The following PLD5 variants were observed in gnomAD, a reference collection of about 807,000 sequenced individuals.
PLD5 encodes inactive phospholipase D5.
In PLD5, 36 loss-of-function variants were observed where a neutral mutation model predicts 61.1. That is an observed-to-expected ratio of 0.59 (90% CI 0.45 to 0.78). The LOEUF is 0.78. Among genes scored for constraint, PLD5 ranks in the 30% least tolerant of loss-of-function variants. The pLI is 0.00. For synonymous variants in PLD5, 243 were observed against 242.8 expected, an observed-to-expected ratio of 1.00 and a Z score of -0.01; for missense variants, 515 against 644.4, an observed-to-expected ratio of 0.80 and a Z score of 2.17.
chr1:242,365,252 C>T (rs1385070091), intron 1 of PLD5: 2 of 152,388 alleles, frequency 1.3e-5, no homozygotes, highest in African/African-American at 2.4e-5. Flanking sequence ...TGCATGGGGA[C>T]GAGTGCAAGT....
intron 4 of PLD5, among the ~76,000 whole-genome samples, chr1:242,231,131 A>G (rs1451273340): frequency 6.6e-6 from 1 of 152,228 alleles, no homozygotes; most frequent in Non-Finnish European, 1.5e-5. Flanking sequence ...CAGCAAGAAC[A>G]CTGTCTACAG....
intron 2 of PLD5, among the ~76,000 whole-genome samples, chr1:242,332,049 CT>C (rs1659212978): frequency 6.6e-6 from 1 of 152,108 alleles, no homozygotes; most frequent in South Asian, 2.1e-4. Context: ...CTCCCACCCC[CT>C]GACAGACCCC....
intron 1 of PLD5, among the ~76,000 whole-genome samples, chr1:242,469,021 T>G (rs567256325): frequency 2.2e-4 from 33 of 152,162 alleles, no homozygotes; most frequent in Non-Finnish European, 4.3e-4. Flanking sequence ...GGTTCCAAAG[T>G]CCACAGTCGT....
chr1:242,319,786 G>A (rs903169770), intron 2 of PLD5, among the ~76,000 whole-genome samples: 8 of 152,212 alleles, frequency 5.3e-5, no homozygotes, highest in Non-Finnish European at 1.2e-4. Context: ...TTTAGGTTAT[G>A]TAATAATGCA....
At chr1:242,477,492 T>C (rs1447378154) in intron 1 of PLD5, among the ~76,000 whole-genome samples, 1 of 152,132 alleles carries the variant, frequency 6.6e-6, no homozygotes, top group African/African-American at 2.4e-5. Context: ...CCCGATAACT[T>C]TGGGGAAGCA....
At chr1:242,382,460 A>G (rs1662353757) in intron 1 of PLD5, among the ~76,000 whole-genome samples, 1 of 152,152 alleles carries the variant, frequency 6.6e-6, no homozygotes, top group Non-Finnish European at 1.5e-5. Context: ...TGGGAATGTA[A>G]TTAGGTGACA....
At chr1:242,109,289 C>A (rs1053302348) in intron 7 of PLD5, among the ~76,000 whole-genome samples, 3 of 152,196 alleles carry the variant, frequency 2.0e-5, no homozygotes, top group Non-Finnish European at 4.4e-5. Flanking sequence ...ACCAGCCTGG[C>A]CAACATGGTG....
At chr1:242,511,593 A>AC (rs138152907) in intron 1 of PLD5, among the ~76,000 whole-genome samples, 2,871 of 152,032 alleles carry the variant, frequency 0.019, 31 homozygotes, top group Non-Finnish European at 0.027. Context: ...ATGATGAAAA[A>AC]AAAAAATCAG....
At chr1:242,327,386 T>G (rs545616451) in intron 2 of PLD5, among the ~76,000 whole-genome samples, 1 of 152,182 alleles carries the variant, frequency 6.6e-6, no homozygotes, top group African/African-American at 2.4e-5. Context: ...AATGAGTAAA[T>G]AGAATAATAT....
intron 1 of PLD5, among the ~76,000 whole-genome samples, chr1:242,411,384 C>G (rs565168192): frequency 1.3e-5 from 2 of 152,068 alleles, no homozygotes; most frequent in Non-Finnish European, 2.9e-5. Context: ...TACAGGCGCC[C>G]GCCACCACGC....
chr1:242,357,306 GACTTCTTTGTAGGTAATAT>G lies in PLD5; in HGVS notation c.190-9083_190-9065del, dbSNP rs1241467163. ...AGAAGTCTACCGATGATTGTATTGA[GACTTCTTTGTAGGTAATAT>G]ATTGCTTGTCTCTTGCTGCTCTCAG... On this transcript the variant is annotated intron_variant, in intron 1 of 9. Transcript: ENST00000536534. 2.7e-5 allele frequency among the ~76,000 whole-genome samples: 4 copies of G among 150,134 alleles called. No homozygotes were observed. In the East Asian group the frequency reaches 7.9e-4, roughly 30 times the overall value.
In PLD5 at chr1:242,220,707, A is replaced by ATATTTTATTTTATTTTATTT. The variant is rs71570944; in HGVS notation, c.608-612_608-593dup. Among the ~76,000 whole-genome samples, 923 of 108,316 alleles carry ATATTTTATTTTATTTTATTT rather than the reference A, an allele frequency of 8.5e-3. 13 individuals carry two copies. Among genetic ancestry groups the ATATTTTATTTTATTTTATTT allele is most frequent in the Middle Eastern group, 0.014 (3 of 210 alleles). 71.1% of individuals were successfully genotyped at this position (108,316 alleles called of 152,430 possible). ...TATCTGATAGTATTTTTTTTAATTT[A>ATATTTTATTTTATTTTATTT]TATTTTATTTTATTTTATTTTATTT... is the stretch of plus-strand genomic sequence containing the variant. On this transcript the variant is annotated intron_variant, in intron 4 of 9. Coordinates refer to ENST00000536534, the MANE Select transcript of PLD5 (RefSeq NM_001372062.1).
At chr1:242,487,139 C>T (rs1667992013) in intron 1 of PLD5, among the ~76,000 whole-genome samples, 1 of 151,694 alleles carries the variant, frequency 6.6e-6, no homozygotes, top group Admixed American at 6.6e-5. Context: ...TGCAGCACAC[C>T]AACATGGCAC....
At chr1:242,450,110 G>A (rs187236042) in intron 1 of PLD5, among the ~76,000 whole-genome samples, 2 of 152,248 alleles carry the variant, frequency 1.3e-5, no homozygotes, top group Admixed American at 1.3e-4. Context: ...TGAAACCACG[G>A]GGCTCTTTGC....
chr1:242,398,838 T>C (rs1033476437), intron 1 of PLD5, among the ~76,000 whole-genome samples: 8 of 152,242 alleles, frequency 5.3e-5, no homozygotes, highest in Non-Finnish European at 7.3e-5. Flanking sequence ...TTTGTAGACA[T>C]GGCATGTCAC....
At chr1:242,445,777 T>C (rs1268175192) in intron 1 of PLD5, among the ~76,000 whole-genome samples, 4 of 151,244 alleles carry the variant, frequency 2.6e-5, no homozygotes, top group Non-Finnish European at 4.4e-5. Context: ...TTTTTTTTTT[T>C]CAAGCTGCTT....
At position 242,298,219 on chromosome 1, in the gene PLD5, C is replaced by T. The variant is rs192501098; in HGVS notation, c.327-9689G>A. On this transcript the variant is annotated intron_variant, in intron 2 of 9. Transcript: ENST00000536534. ...TTTCTATAATTCTAGATGATTCAGG[C>T]AGATGAACGCCTCATTATTTCCAGG... Among the ~76,000 whole-genome samples, 250 of 152,252 alleles carry T rather than the reference C, an allele frequency of 1.6e-3. 2 individuals carry two copies. Among genetic ancestry groups the T allele is most frequent in the African/African-American group, 5.8e-3 (240 of 41,538 alleles).
At chr1:242,264,723 G>T (rs4658799) in intron 4 of PLD5, among the ~76,000 whole-genome samples, 82,413 of 151,870 alleles carry the variant, frequency 0.54, 22,955 homozygotes, top group East Asian at 0.77. Flanking sequence ...AAATTCCAGG[G>T]AACAATTTTT....
In PLD5 at chr1:242,388,739, G is replaced by T. The variant is rs61848722; in HGVS notation, c.190-40497C>A. Among the ~76,000 whole-genome samples the T allele has an allele frequency of 3.8e-3, 580 of 152,164 alleles. 3 individuals are homozygous for T. The highest frequency in any genetic ancestry group is 5.4e-3 in the Admixed American group (83 of 15,272). Reference sequence around the variant, plus strand: ...TGGGAGGCCGTGGTGGGTGGATCACGAGGTCAGGAGTTCAAGACCAGCCTG... The same window carrying T: ...TGGGAGGCCGTGGTGGGTGGATCACTAGGTCAGGAGTTCAAGACCAGCCTG... On this transcript the variant is annotated intron_variant, in intron 1 of 9. Coordinates refer to ENST00000536534, the MANE Select transcript of PLD5 (RefSeq NM_001372062.1).
Sources: allele counts gnomAD v4.1 joint callset (sites outside exome capture counted in the v4.1 genomes callset), GRCh38; gene constraint gnomAD v4.1.1; transcripts MANE v1.5; gene names NCBI Gene and HGNC (gene_info 2026-07-23, HGNC 2026-07-21).